CCDC18: variants seen among roughly 807,000 people sequenced by gnomAD.
CCDC18 encodes coiled-coil domain containing 18.
A neutral mutation model predicts 196.0 loss-of-function variants in CCDC18; 157 were observed. That is an observed-to-expected ratio of 0.80 (90% CI 0.70 to 0.91). CCDC18 has a LOEUF of 0.91. Ranked by LOEUF, CCDC18 falls within the 40% of genes least tolerant of loss-of-function variation. The pLI is 0.00. For missense variants in CCDC18, 1,465 were observed against 1,611.6 expected, an observed-to-expected ratio of 0.91 and a Z score of 1.56; for synonymous variants, 482 against 529.2, an observed-to-expected ratio of 0.91 and a Z score of 1.22.
At chr1:93,263,558 T>C (rs1340102118) in intron 26 of CCDC18, among the ~76,000 whole-genome samples, 2 of 152,212 alleles carry the variant, frequency 1.3e-5, no homozygotes, top group Non-Finnish European at 2.9e-5. Context: ...CAAGATACTC[T>C]AGTTTCCAAT....
At chr1:93,268,897 A>G (rs1664900280) in intron 27 of CCDC18, among the ~76,000 whole-genome samples, 1 of 152,110 alleles carries the variant, frequency 6.6e-6, no homozygotes, top group Admixed American at 6.5e-5. Flanking sequence ...AACTAGAAAT[A>G]CCATTTGACC....
chr1:93,211,021 A>G (rs797676), intron 10 of CCDC18, 95 bp downstream of exon 10: 781,435 of 1,299,774 alleles, frequency 0.6, 244,258 homozygotes, highest in South Asian at 0.67. Context: ...TCATGCCTGT[A>G]ATCCCAACAC....
chr1:93,217,842 T>C lies in CCDC18; in HGVS notation c.1935T>C (p.His645=), dbSNP rs1251187165. 5 of 1,611,956 alleles carry C rather than the reference T, an allele frequency of 3.1e-6. No homozygotes were observed. In the South Asian group the frequency reaches 4.4e-5, roughly 14 times the overall value. The change falls in exon 14 of 29, where the codon CAT becomes CAC. Residue 645 remains histidine (H), a synonymous_variant. Transcript: ENST00000690025. ...CAAAGAAAATTCACTTGGAACAGCA[T>C]AAAGAAATGGAAAAGCAGATTGAAA... ...EKAKKIHLEQ[H]KEMEKQIERL... is the part of the protein sequence containing the mutation.
intron 19 of CCDC18, 67 bp downstream of exon 19, chr1:93,236,457 A>G (rs1660084136): frequency 6.8e-7 from 1 of 1,468,444 alleles, no homozygotes; most frequent in African/African-American, 1.4e-5. Flanking sequence ...TTTTGAAATC[A>G]GATAATGTTC....
At chr1:93,212,053 T>C in intron 10 of CCDC18, 48 bp from the exon 11 acceptor site, 1 of 1,506,492 alleles carries the variant, frequency 6.6e-7, no homozygotes, top group South Asian at 1.2e-5. Flanking sequence ...TATGAGTTTT[T>C]TTATAGAATC....
chr1:93,201,532 A>G (rs1421290096), intron 6 of CCDC18, among the ~76,000 whole-genome samples: 2 of 152,170 alleles, frequency 1.3e-5, no homozygotes, highest in South Asian at 2.1e-4. Context: ...ATTCTAGACA[A>G]TAGACTGATT....
At position 93,201,905 on chromosome 1, in the gene CCDC18, A is replaced by T; in HGVS notation, c.712A>T (p.Arg238Trp). ...TTTAAATTTTAGAGCTGAACGACAA[A>T]GGAATGAAGCACTATATAATGCCGA... is the stretch of plus-strand genomic sequence containing the variant. ...TKQGKRAERQ[R>W]NEALYNAEEL... Residue 238 changes from arginine (R) to tryptophan (W), a missense_variant, in exon 7 of 29, where the codon AGG becomes TGG. Physicochemically the swap from Arg to Trp is moderately radical, Grantham distance 101. Transcript: ENST00000690025. 1 of 1,583,222 alleles carries T rather than the reference A, an allele frequency of 6.3e-7. No individual in the cohort carries two copies.
At chr1:93,202,409 TTGATA>T (rs2101845859) in intron 7 of CCDC18, among the ~76,000 whole-genome samples, 1 of 152,346 alleles carries the variant, frequency 6.6e-6, no homozygotes, top group Non-Finnish European at 1.5e-5. Context: ...TTGAACTGAT[TTGATA>T]TAGAAATAAT....
chr1:93,213,178 T>A (rs1336596264), intron 11 of CCDC18, among the ~76,000 whole-genome samples: 1 of 152,122 alleles, frequency 6.6e-6, no homozygotes, highest in Non-Finnish European at 1.5e-5. Context: ...CACCTCCTAC[T>A]ATGTGGCCCA....
At chr1:93,183,778 G>T (rs551760792) in intron 2 of CCDC18, among the ~76,000 whole-genome samples, 200 bp from the exon 3 acceptor site, 2 of 149,480 alleles carry the variant, frequency 1.3e-5, no homozygotes, top group African/African-American at 2.6e-5. Context: ...TAATCTTAGC[G>T]TAGAGGCTTT....
intron 4 of CCDC18, chr1:93,190,850 C>G: frequency 1.4e-6 from 1 of 725,446 alleles, no homozygotes; most frequent in South Asian, 1.4e-5. Flanking sequence ...TCAGTGCACT[C>G]AAGCCTTAGC....
Position 93,256,347 on chromosome 1 carries a change from CAAG to C in CCDC18, c.3358_3360del (p.Glu1120del). 1 of 1,613,854 alleles carries C rather than the reference CAAG, an allele frequency of 6.2e-7. No homozygotes were observed. The highest frequency in any genetic ancestry group is 1.7e-4 in the Middle Eastern group (1 of 6,056). ...TTATGCTTTTCAGGTTATGAAAGAG[CAAG>C]AACAGTACATTGCCACTCAGTACAA... On this transcript the variant is annotated inframe_deletion, in exon 25 of 29. Coordinates refer to ENST00000690025, the MANE Select transcript of CCDC18 (RefSeq NM_001378204.1).
At chr1:93,267,446 A>T (rs1241817198) in intron 27 of CCDC18, among the ~76,000 whole-genome samples, 2 of 152,204 alleles carry the variant, frequency 1.3e-5, no homozygotes, top group Non-Finnish European at 2.9e-5. Flanking sequence ...GGCCAGGGCA[A>T]TCAGGCAGGA....
intron 26 of CCDC18, among the ~76,000 whole-genome samples, chr1:93,263,605 C>T (rs535250334): frequency 1.2e-3 from 184 of 152,296 alleles, no homozygotes; most frequent in African/African-American, 4.4e-3. Flanking sequence ...CCTGAGCTTG[C>T]ACTTCATTGT....
At chr1:93,210,343 TG>T (rs1266716303) in intron 9 of CCDC18, among the ~76,000 whole-genome samples, 5 of 152,330 alleles carry the variant, frequency 3.3e-5, no homozygotes, top group South Asian at 4.1e-4. Context: ...ATCAACTCTA[TG>T]TTTTTTTAGA....
chr1:93,261,632 T>A (rs756123140), intron 26 of CCDC18, among the ~76,000 whole-genome samples: 21 of 152,076 alleles, frequency 1.4e-4, no homozygotes, highest in Non-Finnish European at 2.9e-5. Flanking sequence ...AAGCAAGACA[T>A]GGTCCCCCAA....
rs745343308 is a variant in CCDC18 at position 93,216,648 on chromosome 1, T to C, written c.1732T>C (p.Cys578Arg). Reference protein sequence around the residue: ...SKLESEMTKKCSQLLTLEKQL... With the variant: ...SKLESEMTKKRSQLLTLEKQL... The stretch of plus-strand genomic sequence containing the variant: ...AATGTGTTTTCAGATGACAAAGAAA[T>C]GTTCTCAACTTTTAACTCTTGAGAA... Residue 578 changes from cysteine to arginine, a missense_variant, in exon 13 of 29, where the codon TGT becomes CGT. By Grantham distance (180) the Cys-to-Arg change is radical. Transcript: ENST00000690025. 5 of 1,527,614 alleles carry C rather than the reference T, an allele frequency of 3.3e-6. No homozygotes were observed. Among genetic ancestry groups the C allele is most frequent in the South Asian group, 2.5e-5 (2 of 81,216 alleles). The allele number at this position is 1,527,614 out of a possible 1,614,324, so 94.6% of individuals were successfully genotyped here.
At chr1:93,220,936 C>T (rs749075186) in intron 14 of CCDC18, among the ~76,000 whole-genome samples, 56 of 152,136 alleles carry the variant, frequency 3.7e-4, no homozygotes, top group Admixed American at 7.2e-4. Flanking sequence ...CAACTCCATC[C>T]GTGTCCCTGT....
At chr1:93,266,392 G>A (rs1393654471) in intron 27 of CCDC18, among the ~76,000 whole-genome samples, 3 of 152,148 alleles carry the variant, frequency 2.0e-5, no homozygotes, top group Non-Finnish European at 4.4e-5. Flanking sequence ...AGCTAGAGAA[G>A]CAAGAGCAAA....
Sources: gnomAD v4.1 joint callset for allele counts (sites outside exome capture counted in the v4.1 genomes callset) on GRCh38, gnomAD v4.1.1 for gene constraint, MANE v1.5 for transcripts, NCBI Gene and HGNC (gene_info 2026-07-23, HGNC 2026-07-21) for gene names.